Variants in STAU2 observed in about 807,000 individuals in gnomAD.
STAU2 encodes staufen double-stranded RNA binding protein 2.
A neutral mutation model predicts 65.9 loss-of-function variants in STAU2; 20 were observed. The ratio of observed to expected loss-of-function variants is 0.30; its 90% CI spans 0.21 to 0.44. The LOEUF (loss-of-function observed/expected upper bound fraction) is 0.44, where lower values mean the gene tolerates loss of function less well. STAU2 is among the 20% of genes least tolerant of loss of function. STAU2 has a pLI of 1.00. For missense variants in STAU2, 558 were observed against 683.9 expected (o/e 0.82, Z 2.05); for synonymous variants, 232 against 233.9 (o/e 0.99, Z 0.07).
rs766581681 is a variant in STAU2 at position 73,561,551 on chromosome 8, A to G, written c.1223-9232T>C. The G allele has an allele frequency of 6.8e-5, 31 of 455,466 alleles. 1 individual carries two copies. Among genetic ancestry groups the G allele is most frequent in the South Asian group, 4.8e-4 (31 of 64,224 alleles). The allele number at this position is 455,466 out of a possible 1,614,324, so 28.2% of individuals were successfully genotyped here. A position where few individuals can be genotyped will look rare whatever the true frequency, so the allele number is the denominator to read the frequency against. On this transcript the variant is annotated intron_variant, in intron 12 of 14. Coordinates refer to ENST00000524300, the MANE Select transcript of STAU2 (RefSeq NM_001164380.2). ...TAGTTATGATTTCCCTACGACAGAA[A>G]AACACCAAAAAATGGATTATATAAG... is the stretch of plus-strand genomic sequence containing the variant.
chr8:73,730,866 G>GA (rs1563535312), intron 3 of STAU2, among the ~76,000 whole-genome samples: 2 of 151,836 alleles, frequency 1.3e-5, no homozygotes, highest in South Asian at 4.1e-4. Context: ...ATTCTGTCTA[G>GA]ATGTTCTATC....
chr8:73,572,246 A>G (rs1464468281), intron 12 of STAU2, among the ~76,000 whole-genome samples: 2 of 152,224 alleles, frequency 1.3e-5, no homozygotes, highest in Non-Finnish European at 2.9e-5. Context: ...TCTGAAATTG[A>G]GGCAATAATT....
chr8:73,548,778 A>G (rs1337485670), intron 13 of STAU2, among the ~76,000 whole-genome samples: 4 of 152,236 alleles, frequency 2.6e-5, no homozygotes, highest in Non-Finnish European at 5.9e-5. Flanking sequence ...CAACACTGTT[A>G]CAGTGGATGA....
At chr8:73,533,557 G>T (rs75312545) in intron 13 of STAU2, among the ~76,000 whole-genome samples, 13,278 of 152,032 alleles carry the variant, frequency 0.087, 957 homozygotes, top group African/African-American at 0.17. Context: ...TTTTCTGAAG[G>T]GAAAATCAGG....
At chr8:73,600,845 T>C (rs1811584287) in intron 10 of STAU2, among the ~76,000 whole-genome samples, 3 of 152,356 alleles carry the variant, frequency 2.0e-5, no homozygotes, top group Non-Finnish European at 4.4e-5. Flanking sequence ...CCTTGCCTCA[T>C]GCAAATTTTA....
At chr8:73,560,858 A>T (rs1808175320) in intron 12 of STAU2, among the ~76,000 whole-genome samples, 3 of 152,254 alleles carry the variant, frequency 2.0e-5, no homozygotes, top group Non-Finnish European at 4.4e-5. Context: ...GAAAGCTTGT[A>T]CCTTAGTCAA....
At chr8:73,732,612 A>G (rs1806144904) in intron 3 of STAU2, 1 of 152,222 alleles carries the variant, frequency 6.6e-6, no homozygotes, top group Non-Finnish European at 1.5e-5. Flanking sequence ...TACAAGAGAC[A>G]TGAGCAGATT....
upstream of STAU2, chr8:73,747,338 C>G (rs115200959): frequency 6.5e-7 from 1 of 1,528,486 alleles, no homozygotes; most frequent in Admixed American, 2.0e-5. Context: ...CCCGACTGAC[C>G]GTCTGCTCTT....
chr8:73,467,023 G>A (rs149953166), intron 13 of STAU2, among the ~76,000 whole-genome samples: 6 of 152,280 alleles, frequency 3.9e-5, no homozygotes, highest in African/African-American at 1.4e-4. Context: ...GACATAAACT[G>A]TTCAGGAAGT....
chr8:73,695,982 G>A (rs1452805146), intron 4 of STAU2, among the ~76,000 whole-genome samples: 1 of 152,256 alleles, frequency 6.6e-6, no homozygotes, highest in Non-Finnish European at 1.5e-5. Context: ...GGCAAGGCCA[G>A]TGCTGTGCTG....
In STAU2 at chr8:73,739,768, G is replaced by T; in HGVS notation, c.-96C>A. ...TTCTTCAGATTACCTTCTGAGCCTT[G>T]GTTCAAATTACTTTGTGTATCTTTG... On this transcript the variant is annotated 5_prime_UTR_variant, in exon 2 of 15. Transcript: ENST00000524300. 6.6e-7 allele frequency: 1 copy of T among 1,516,110 alleles called. No homozygotes were observed. The highest frequency in any genetic ancestry group is 1.4e-5 in the African/African-American group (1 of 71,744). 93.9% of individuals were successfully genotyped at this position (1,516,110 alleles called of 1,614,324 possible).
At chr8:73,525,470 C>T (rs1823304083) in intron 13 of STAU2, among the ~76,000 whole-genome samples, 1 of 152,026 alleles carries the variant, frequency 6.6e-6, no homozygotes, top group South Asian at 2.1e-4. Context: ...TATGGGTGAA[C>T]AGTAGCCCTG....
At position 73,736,261 on chromosome 8, in the gene STAU2, A is replaced by G. The variant is rs572287475; in HGVS notation, c.-18+2023T>C. Among the ~76,000 whole-genome samples, 3 of 152,356 alleles carry G rather than the reference A, an allele frequency of 2.0e-5. No homozygotes were observed. The South Asian group carries it at 6.2e-4, about 32-fold the overall frequency. ...TTACGTGGTTATTGTTGAAAAATAA[A>G]TATCTCCTTGCTTTAGTGACAACTC... On this transcript the variant is annotated intron_variant, in intron 3 of 14. Coordinates refer to ENST00000524300, the MANE Select transcript of STAU2 (RefSeq NM_001164380.2).
chr8:73,696,179 C>T (rs1010935952), intron 4 of STAU2, among the ~76,000 whole-genome samples: 4 of 152,222 alleles, frequency 2.6e-5, no homozygotes, highest in African/African-American at 9.6e-5. Context: ...CAAGGCTGTA[C>T]CTCTAACAAG....
intron 5 of STAU2, among the ~76,000 whole-genome samples, chr8:73,684,442 T>C (rs1489593034): frequency 6.6e-6 from 1 of 152,092 alleles, no homozygotes; most frequent in Non-Finnish European, 1.5e-5. Flanking sequence ...CATCTCTCAC[T>C]TGATATAAAA....
intron 6 of STAU2, among the ~76,000 whole-genome samples, chr8:73,642,223 C>T (rs1204540413): frequency 6.6e-6 from 1 of 152,118 alleles, no homozygotes; most frequent in Non-Finnish European, 1.5e-5. Flanking sequence ...AGGTCTCCCC[C>T]ACTCAAAAAC....
intron 6 of STAU2, among the ~76,000 whole-genome samples, chr8:73,667,225 T>G (rs1395558524): frequency 6.6e-6 from 1 of 152,154 alleles, no homozygotes; most frequent in Non-Finnish European, 1.5e-5. Flanking sequence ...ATTGTCGTAA[T>G]TCTTTATCCC....
chr8:73,566,237 C>T (rs1410568670), intron 12 of STAU2, among the ~76,000 whole-genome samples: 1 of 152,164 alleles, frequency 6.6e-6, no homozygotes, highest in Non-Finnish European at 1.5e-5. Flanking sequence ...AATAACATCA[C>T]CCAAAAAGCC....
intron 4 of STAU2, among the ~76,000 whole-genome samples, chr8:73,705,063 T>G (rs1820412933): frequency 6.6e-6 from 1 of 152,184 alleles, no homozygotes; most frequent in Admixed American, 6.5e-5. Context: ...TGCCACATAG[T>G]AAATACTCAA....
Sources: gnomAD v4.1 joint callset for allele counts (sites outside exome capture counted in the v4.1 genomes callset) on GRCh38, gnomAD v4.1.1 for gene constraint, MANE v1.5 for transcripts, NCBI Gene and HGNC (gene_info 2026-07-23, HGNC 2026-07-21) for gene names.